CDK14: variants seen among roughly 807,000 people sequenced by gnomAD.
CDK14 encodes the protein cyclin dependent kinase 14.
CDK14 carries 34 observed loss-of-function variants against 60.7 expected under a neutral mutation model. The observed-to-expected ratio is 0.56, with a 90% CI of 0.43 to 0.75. The LOEUF is 0.75. Ranked by LOEUF, CDK14 falls within the 30% of genes least tolerant of loss-of-function variation. The pLI is 0.00. For missense variants in CDK14, 482 were observed against 564.1 expected, an observed-to-expected ratio of 0.85 and a Z score of 1.47; for synonymous variants, 197 against 203.7, an observed-to-expected ratio of 0.97 and a Z score of 0.28.
At chr7:90,922,793 C>T (rs1793289808) in intron 8 of CDK14, among the ~76,000 whole-genome samples, 1 of 152,038 alleles carries the variant, frequency 6.6e-6, no homozygotes, top group Non-Finnish European at 1.5e-5. Context: ...ATAACATTGT[C>T]TCAAGCATAT....
chr7:90,745,273 A>G (rs577370927), intron 3 of CDK14, among the ~76,000 whole-genome samples: 1 of 152,204 alleles, frequency 6.6e-6, no homozygotes, highest in African/African-American at 2.4e-5. Flanking sequence ...TCTGTGGGTA[A>G]TAAAATTGTT....
At chr7:90,653,614 G>GT (rs1800693230) in intron 2 of CDK14, among the ~76,000 whole-genome samples, 1 of 152,042 alleles carries the variant, frequency 6.6e-6, no homozygotes, top group South Asian at 2.1e-4. Flanking sequence ...CCCAATTTGA[G>GT]TGTTTTATGG....
chr7:91,162,185 A>G (rs150856228), intron 14 of CDK14, among the ~76,000 whole-genome samples: 1 of 152,332 alleles, frequency 6.6e-6, no homozygotes, highest in Non-Finnish European at 1.5e-5. Flanking sequence ...TTTGTAACAC[A>G]TGGAAACATT....
At chr7:90,645,371 A>G (rs764132693) in intron 2 of CDK14, among the ~76,000 whole-genome samples, 3 of 150,024 alleles carry the variant, frequency 2.0e-5, no homozygotes, top group Middle Eastern at 6.9e-3. Flanking sequence ...TCTTTAAATA[A>G]CCTTAAAATG....
chr7:91,097,146 C>T (rs575296384), intron 12 of CDK14, among the ~76,000 whole-genome samples: 2 of 152,124 alleles, frequency 1.3e-5, no homozygotes, highest in African/African-American at 4.8e-5. Flanking sequence ...TTTGAGAGGT[C>T]AAGGCAGGTG....
At chr7:90,910,506 G>A (rs1160348180) in intron 7 of CDK14, among the ~76,000 whole-genome samples, 1 of 152,002 alleles carries the variant, frequency 6.6e-6, no homozygotes, top group Non-Finnish European at 1.5e-5. Flanking sequence ...GCAGTCTATG[G>A]GTTTTTAAAT....
intron 14 of CDK14, among the ~76,000 whole-genome samples, chr7:91,201,583 T>C (rs1802728368): frequency 1.3e-5 from 2 of 150,304 alleles, no homozygotes; most frequent in African/African-American, 2.4e-5. Flanking sequence ...TTAGAGTGCA[T>C]AAATAGGCCA....
intron 2 of CDK14, among the ~76,000 whole-genome samples, chr7:90,689,377 T>C (rs1801507317): frequency 6.6e-6 from 1 of 152,198 alleles, no homozygotes; most frequent in Non-Finnish European, 1.5e-5. Flanking sequence ...GTTTTATGTA[T>C]GGACTGAAGG....
At chr7:90,712,398 T>A (rs1184154573) in intron 2 of CDK14, among the ~76,000 whole-genome samples, 1 of 151,948 alleles carries the variant, frequency 6.6e-6, no homozygotes, top group African/African-American at 2.4e-5. Context: ...TTGAGTCATA[T>A]GTATTTTTTC....
chr7:90,618,329 C>G (rs969356845), intron 2 of CDK14, among the ~76,000 whole-genome samples: 1 of 152,036 alleles, frequency 6.6e-6, no homozygotes, highest in Non-Finnish European at 1.5e-5. Flanking sequence ...TTTTTTCTCT[C>G]TTTCTCTCCT....
At chr7:90,971,002 C>G (rs542083785) in intron 9 of CDK14, among the ~76,000 whole-genome samples, 32 of 152,140 alleles carry the variant, frequency 2.1e-4, no homozygotes, top group African/African-American at 6.0e-4. Context: ...CATATGTATA[C>G]ATGTGCCATG....
At chr7:90,810,636 A>T (rs951397184) in intron 5 of CDK14, among the ~76,000 whole-genome samples, 1 of 152,208 alleles carries the variant, frequency 6.6e-6, no homozygotes, top group Non-Finnish European at 1.5e-5. Flanking sequence ...CAGGAGAAGG[A>T]AATAAAGGGT....
At chr7:91,002,040 AGTCCC>A (rs1333049096) in intron 10 of CDK14, among the ~76,000 whole-genome samples, 1 of 152,248 alleles carries the variant, frequency 6.6e-6, no homozygotes, top group African/African-American at 2.4e-5. Context: ...CCCAACCTGT[AGTCCC>A]GTCTATTTGT....
chr7:90,744,202 G>C (rs867914120), intron 3 of CDK14, among the ~76,000 whole-genome samples: 1 of 152,020 alleles, frequency 6.6e-6, no homozygotes, highest in East Asian at 1.9e-4. Flanking sequence ...ATTAGGGAGT[G>C]GTGATGACTC....
At chr7:90,764,032 C>T (rs528221085) in intron 4 of CDK14, among the ~76,000 whole-genome samples, 8 of 151,770 alleles carry the variant, frequency 5.3e-5, no homozygotes, top group South Asian at 2.1e-4. Flanking sequence ...TGCCAAAAAC[C>T]GAAATTTGAT....
intron 2 of CDK14, among the ~76,000 whole-genome samples, chr7:90,619,769 G>A (rs1313194273): frequency 6.6e-6 from 1 of 152,192 alleles, no homozygotes; most frequent in Non-Finnish European, 1.5e-5. Flanking sequence ...GACGAGGTGG[G>A]CGCATTGCTT....
In CDK14 at chr7:91,064,066, A is replaced by G. The variant is rs748711440; in HGVS notation, c.1106-15366A>G. 2.3e-4 allele frequency among the ~76,000 whole-genome samples: 35 copies of G among 152,338 alleles called. No homozygotes were observed. In the Middle Eastern group the frequency reaches 0.014, roughly 59 times the overall value. The stretch of plus-strand genomic sequence containing the variant: ...GTTCAAGGTTTCTAGAATTTGAAAG[A>G]CATATGTTTATCATTCCCTGTAAAC... On this transcript the variant is annotated intron_variant, in intron 11 of 14. Transcript: ENST00000380050.
chr7:90,919,515 TAC>T (rs898759186), intron 8 of CDK14, among the ~76,000 whole-genome samples: 1 of 152,148 alleles, frequency 6.6e-6, no homozygotes, highest in African/African-American at 2.4e-5. Flanking sequence ...TTAGAAAATG[TAC>T]AAAGTATAAA....
At chr7:90,629,144 ATAGT>A (rs760109786) in intron 2 of CDK14, among the ~76,000 whole-genome samples, 13 of 152,148 alleles carry the variant, frequency 8.5e-5, no homozygotes, top group Non-Finnish European at 1.5e-4. Flanking sequence ...ATTACAAATG[ATAGT>A]TATTATTAAT....
Sources: gnomAD v4.1 joint callset for allele counts (sites outside exome capture counted in the v4.1 genomes callset) on GRCh38, gnomAD v4.1.1 for gene constraint, MANE v1.5 for transcripts, NCBI Gene and HGNC (gene_info 2026-07-23, HGNC 2026-07-21) for gene names.